The following KLHDC10 variants were observed in gnomAD, a reference collection of about 807,000 sequenced individuals.
KLHDC10 encodes kelch domain-containing protein 10.
Under a neutral mutation model 56.1 loss-of-function variants are expected in KLHDC10, and 24 were observed. The ratio of observed to expected loss-of-function variants is 0.43; its 90% confidence interval spans 0.31 to 0.60. KLHDC10 has a LOEUF of 0.60. Among genes scored for constraint, KLHDC10 ranks in the 20% least tolerant of loss-of-function variants. The probability of loss-of-function intolerance (pLI) is 0.11; values close to 1 mark genes in which losing one functional copy is unlikely to be tolerated. For synonymous variants in KLHDC10, 188 were observed against 207.1 expected (o/e 0.91, Z 0.79); for missense variants, 349 against 567.0 (o/e 0.62, Z 3.91).
At chr7:130,075,166 C>G (rs1279136429) in intron 1 of KLHDC10, among the ~76,000 whole-genome samples, 1 of 152,068 alleles carries the variant, frequency 6.6e-6, no homozygotes, top group Non-Finnish European at 1.5e-5. Context: ...GCAGAGAGCT[C>G]AGGAGCGCGG....
At chr7:130,117,849 C>CAA (rs60800057) in intron 3 of KLHDC10, among the ~76,000 whole-genome samples, 68 of 73,076 alleles carry the variant, frequency 9.3e-4, no homozygotes, top group Non-Finnish European at 1.1e-3. Context: ...GACCCTGTCT[C>CAA]AAAAAAAAAA....
intron 9 of KLHDC10, among the ~76,000 whole-genome samples, chr7:130,129,994 A>G (rs1246684461): frequency 6.6e-6 from 1 of 152,082 alleles, no homozygotes; most frequent in Non-Finnish European, 1.5e-5. Flanking sequence ...GTTAATAGTG[A>G]AATTGTTTGT....
At chr7:130,072,355 T>G (rs1248320502) in intron 1 of KLHDC10, among the ~76,000 whole-genome samples, 1 of 152,198 alleles carries the variant, frequency 6.6e-6, no homozygotes, top group Admixed American at 6.5e-5. Context: ...AAGCCATGAT[T>G]TCTGCTAAGG....
At position 130,120,931 on chromosome 7, in the gene KLHDC10, A is replaced by G; in HGVS notation, c.630+28A>G. 6.2e-7 allele frequency: 1 copy of G among 1,601,440 alleles called. No individual in the cohort carries two copies. The highest frequency in any genetic ancestry group is 1.7e-4 in the Middle Eastern group (1 of 5,986). Reference sequence around the variant, plus strand: ...ACCAATCTGTGGCCAGTCATGGTGTATTTGTTCATATTTTTCTAGTCTGGG... The same window carrying G: ...ACCAATCTGTGGCCAGTCATGGTGTGTTTGTTCATATTTTTCTAGTCTGGG... On this transcript the variant is annotated intron_variant, in intron 4 of 9. Transcript: ENST00000335420. The surrounding 1 kb of genome is among the most constrained non-coding windows in gnomAD (Gnocchi z 5.1).
intron 3 of KLHDC10, among the ~76,000 whole-genome samples, chr7:130,119,159 T>C (rs1796211661): frequency 2.0e-5 from 3 of 150,970 alleles, no homozygotes; most frequent in African/African-American, 7.3e-5. Flanking sequence ...CAGTGAGCCA[T>C]GTTCATGCCA....
At chr7:130,070,862 C>T in intron 1 of KLHDC10, 53 bp downstream of exon 1, 1 of 1,249,764 alleles carries the variant, frequency 8.0e-7, no homozygotes, top group Non-Finnish European at 1.0e-6. Flanking sequence ...GTGACTGCTA[C>T]CTTTTCTTTT....
chr7:130,096,820 T>C, intron 1 of KLHDC10, 101 bp from the exon 2 acceptor site: 1 of 735,130 alleles, frequency 1.4e-6, no homozygotes, highest in Non-Finnish European at 2.2e-6. Context: ...ATTCAAGTAT[T>C]GTTTTGTTTC....
At chr7:130,077,790 C>T (rs1250783541) in intron 1 of KLHDC10, among the ~76,000 whole-genome samples, 4 of 151,700 alleles carry the variant, frequency 2.6e-5, no homozygotes, top group Admixed American at 1.3e-4. Context: ...CTCCTGACCT[C>T]GTGATCCACC....
At chr7:130,106,986 A>G (rs1359704623) in intron 2 of KLHDC10, among the ~76,000 whole-genome samples, 1 of 152,182 alleles carries the variant, frequency 6.6e-6, no homozygotes. Context: ...TAAATAAACA[A>G]ATAAACCCCA....
chr7:130,071,742 A>T (rs1465753260), intron 1 of KLHDC10, among the ~76,000 whole-genome samples: 2 of 152,226 alleles, frequency 1.3e-5, no homozygotes, highest in African/African-American at 4.8e-5. Context: ...TTAATTATTC[A>T]TCGTGTTTTT....
rs547199453 is a variant in KLHDC10, at chr7:130,115,671, C to T, written c.254-774C>T. Among the ~76,000 whole-genome samples, 41 of 144,660 alleles carry T rather than the reference C, an allele frequency of 2.8e-4. 1 individual carries two copies. The highest frequency in any genetic ancestry group is 7.7e-4 in the African/African-American group (30 of 38,868). The allele number at this position is 144,660 out of a possible 152,430, so 94.9% of individuals were successfully genotyped here. On this transcript the variant is annotated intron_variant, in intron 2 of 9. Coordinates refer to ENST00000335420, the MANE Select transcript of KLHDC10 (RefSeq NM_014997.4). ...CAGAGGTTGCAGTGAGCTGAGATCG[C>T]GCCACTGCACTCCAGCCTGGGTGAC...
chr7:130,128,889 A>AAAAAAAAAAAAAAAAAATATATAT, intron 8 of KLHDC10, among the ~76,000 whole-genome samples: 15 of 66,946 alleles, frequency 2.2e-4, no homozygotes, highest in Non-Finnish European at 4.2e-4. Context: ...AAAAAAAAAA[A>AAAAAAAAAAAAAAAAAATATATAT]ATATATATAT....
intron 6 of KLHDC10, among the ~76,000 whole-genome samples, 194 bp from the exon 7 acceptor site, chr7:130,125,671 A>G (rs1353014302): frequency 6.6e-6 from 1 of 152,228 alleles, no homozygotes; most frequent in Non-Finnish European, 1.5e-5. Flanking sequence ...TCAACTAAGA[A>G]TATATGTTTA....
intron 1 of KLHDC10, among the ~76,000 whole-genome samples, chr7:130,079,010 G>A (rs1795558850): frequency 6.6e-6 from 1 of 151,984 alleles, no homozygotes; most frequent in African/African-American, 2.4e-5. Context: ...TCATGTTAAA[G>A]TATTCAGCTG....
At chr7:130,123,426 C>T (rs894332638) in intron 5 of KLHDC10, among the ~76,000 whole-genome samples, 1 of 150,688 alleles carries the variant, frequency 6.6e-6, no homozygotes, top group African/African-American at 2.4e-5. Flanking sequence ...GCTGAGATCA[C>T]GCCATTGCGC....
intron 2 of KLHDC10, among the ~76,000 whole-genome samples, chr7:130,099,514 A>G (rs2116874402): frequency 6.6e-6 from 1 of 152,336 alleles, no homozygotes; most frequent in Admixed American, 6.5e-5. Flanking sequence ...AGGAGTGGCC[A>G]TGAGGATGAC....
At chr7:130,113,906 A>G (rs1411179253) in intron 2 of KLHDC10, among the ~76,000 whole-genome samples, 3 of 152,224 alleles carry the variant, frequency 2.0e-5, no homozygotes, top group African/African-American at 7.2e-5. Context: ...TCTGCTGAAC[A>G]TAGCAACTCT....
At chr7:130,121,181 G>T (rs1245774203) in intron 4 of KLHDC10, among the ~76,000 whole-genome samples, 1 of 151,134 alleles carries the variant, frequency 6.6e-6, no homozygotes, top group Non-Finnish European at 1.5e-5. Context: ...TCCTTTAAAT[G>T]TTAGAACCCC....
At chr7:130,099,933 C>T (rs1795906772) in intron 2 of KLHDC10, among the ~76,000 whole-genome samples, 1 of 151,980 alleles carries the variant, frequency 6.6e-6, no homozygotes, top group Non-Finnish European at 1.5e-5. Flanking sequence ...TGTCTACATA[C>T]ACACACATGC....
Sources: allele counts gnomAD v4.1 joint callset (sites outside exome capture counted in the v4.1 genomes callset), GRCh38; gene constraint gnomAD v4.1.1; non-coding constraint Gnocchi (gnomAD v3.1); transcripts MANE v1.5; gene names NCBI Gene and HGNC (gene_info 2026-07-23, HGNC 2026-07-21).